Variants in GTF2E2 observed in about 807,000 individuals in gnomAD.
GTF2E2 encodes transcription initiation factor IIE subunit beta.
In GTF2E2, 21 loss-of-function variants were observed where a neutral mutation model predicts 40.5. The observed-to-expected ratio is 0.52, with a 90% CI of 0.37 to 0.75. GTF2E2 has a LOEUF of 0.75. GTF2E2 is among the 30% of genes least tolerant of loss of function. The pLI, the probability that GTF2E2 is intolerant of heterozygous loss-of-function variation, is 0.00. For missense variants in GTF2E2, 298 were observed against 338.4 expected, an observed-to-expected ratio of 0.88 and a Z score of 0.94; for synonymous variants, 117 against 121.6, an observed-to-expected ratio of 0.96 and a Z score of 0.25.
At chr8:30,645,212 T>C in intron 2 of GTF2E2, 1 of 1,258,182 alleles carries the variant, frequency 7.9e-7, no homozygotes, top group Non-Finnish European at 1.1e-6. Flanking sequence ...CTAAGAAATC[T>C]TAGTACTGAG....
chr8:30,624,199 G>A (rs1801199494), intron 3 of GTF2E2, among the ~76,000 whole-genome samples: 1 of 152,116 alleles, frequency 6.6e-6, no homozygotes, highest in South Asian at 2.1e-4. Context: ...TACGGTGTAA[G>A]GAAGGGATCC....
intron 6 of GTF2E2, among the ~76,000 whole-genome samples, chr8:30,600,914 G>C (rs914183174): frequency 1.2e-4 from 18 of 152,206 alleles, no homozygotes; most frequent in African/African-American, 4.3e-4. Context: ...CTATGGCTAA[G>C]GTTGCCACCT....
At chr8:30,589,902 A>G (rs765221109) in intron 6 of GTF2E2, among the ~76,000 whole-genome samples, 2 of 152,254 alleles carry the variant, frequency 1.3e-5, no homozygotes, top group Non-Finnish European at 2.9e-5. Flanking sequence ...CTGCTTTACA[A>G]TGGGAGAAAC....
Position 30,578,694 on chromosome 8 carries a change from T to C in GTF2E2, c.*227A>G, listed in dbSNP as rs558356638. 389 of 420,840 alleles carry C rather than the reference T, an allele frequency of 9.2e-4. 1 individual carries two copies. Among genetic ancestry groups the C allele is most frequent in the Non-Finnish European group, 1.6e-4 (38 of 231,878 alleles). The allele number at this position is 420,840 out of a possible 1,614,324, so 26.1% of individuals were successfully genotyped here. On this transcript the variant is annotated 3_prime_UTR_variant, in exon 8 of 8. Transcript: ENST00000355904. Reference sequence around the variant, plus strand: ...ACACCTGCATGCCACGCTCAGCGCCTTTCTCCCAGGGAGTAACAGAAGGTT... The same window carrying C: ...ACACCTGCATGCCACGCTCAGCGCCCTTCTCCCAGGGAGTAACAGAAGGTT...
At chr8:30,600,840 C>T (rs1829157081) in intron 6 of GTF2E2, among the ~76,000 whole-genome samples, 1 of 152,196 alleles carries the variant, frequency 6.6e-6, no homozygotes, top group African/African-American at 2.4e-5. Flanking sequence ...CATTTTAGGA[C>T]AAGTGCTTCT....
chr8:30,602,192 A>G (rs1485099916), intron 6 of GTF2E2, among the ~76,000 whole-genome samples: 1 of 151,824 alleles, frequency 6.6e-6, no homozygotes, highest in African/African-American at 2.4e-5. Flanking sequence ...TAATTTTTGT[A>G]CTTTTAGGAG....
chr8:30,596,714 A>G (rs779450386), intron 6 of GTF2E2, among the ~76,000 whole-genome samples: 1 of 152,128 alleles, frequency 6.6e-6, no homozygotes, highest in African/African-American at 2.4e-5. Flanking sequence ...TGAAAGCAGG[A>G]TATCCTTTGT....
chr8:30,612,283 A>C lies in GTF2E2; in HGVS notation c.549+16T>G. The C allele has an allele frequency of 1.3e-6, 2 of 1,487,512 alleles. No homozygotes were observed. Among genetic ancestry groups the C allele is most frequent in the South Asian group, 2.3e-5 (2 of 86,982 alleles). 92.1% of individuals were successfully genotyped at this position (1,487,512 alleles called of 1,614,324 possible). ...ATTCAAATTATATTAAGACATAGAAAGAAAAGAGAGATTACCTTGACAGCT... is the reference window on the plus strand; with the variant it reads ...ATTCAAATTATATTAAGACATAGAACGAAAAGAGAGATTACCTTGACAGCT... On this transcript the variant is annotated intron_variant, in intron 5 of 7. Transcript: ENST00000355904.
intron 6 of GTF2E2, among the ~76,000 whole-genome samples, chr8:30,590,556 G>C (rs575260575): frequency 3.9e-5 from 6 of 152,208 alleles, no homozygotes; most frequent in South Asian, 4.1e-4. Context: ...CTAACTCCTA[G>C]AGGAAAAACC....
intron 3 of GTF2E2, among the ~76,000 whole-genome samples, chr8:30,616,019 A>G (rs1800908258): frequency 6.6e-6 from 1 of 152,196 alleles, no homozygotes; most frequent in Admixed American, 6.5e-5. Flanking sequence ...TCAAGCTATG[A>G]AAAAAACATG....
chr8:30,609,777 T>A (rs1829430299), intron 5 of GTF2E2, among the ~76,000 whole-genome samples: 1 of 152,122 alleles, frequency 6.6e-6, no homozygotes, highest in Non-Finnish European at 1.5e-5. Context: ...GGTATGAAGG[T>A]GGATTTCCCT....
At chr8:30,611,806 T>C (rs1379063271) in intron 5 of GTF2E2, among the ~76,000 whole-genome samples, 1 of 152,136 alleles carries the variant, frequency 6.6e-6, no homozygotes, top group African/African-American at 2.4e-5. Flanking sequence ...CTGTGACAAA[T>C]GGAAACAAGC....
intron 5 of GTF2E2, among the ~76,000 whole-genome samples, chr8:30,608,778 C>A (rs1479861507): frequency 6.6e-6 from 1 of 152,194 alleles, no homozygotes; most frequent in Admixed American, 6.5e-5. Flanking sequence ...GAGACGGAGT[C>A]TCACTCTGTC....
intron 3 of GTF2E2, among the ~76,000 whole-genome samples, chr8:30,634,214 G>A (rs531885702): frequency 2.8e-4 from 42 of 152,268 alleles, no homozygotes; most frequent in Admixed American, 6.5e-4. Flanking sequence ...TTGGGAGACC[G>A]AGGTGGGAAA....
intron 6 of GTF2E2, among the ~76,000 whole-genome samples, chr8:30,585,470 G>A (rs1828652098): frequency 6.6e-6 from 1 of 151,924 alleles, no homozygotes; most frequent in African/African-American, 2.4e-5. Context: ...TTCTTAAAAA[G>A]CAAAAACACA....
At chr8:30,619,188 C>T (rs1181252865) in intron 3 of GTF2E2, among the ~76,000 whole-genome samples, 2 of 152,056 alleles carry the variant, frequency 1.3e-5, no homozygotes, top group Non-Finnish European at 2.9e-5. Context: ...GATCCACCTG[C>T]CTCAGCCTCC....
chr8:30,648,422 T>C (rs920304172), intron 2 of GTF2E2, among the ~76,000 whole-genome samples: 6 of 152,090 alleles, frequency 3.9e-5, no homozygotes, highest in African/African-American at 1.5e-4. Flanking sequence ...CCAGGAGACC[T>C]GGTCAACAGC....
At chr8:30,627,538 T>A (rs759056550) in intron 3 of GTF2E2, among the ~76,000 whole-genome samples, 1 of 151,194 alleles carries the variant, frequency 6.6e-6, no homozygotes, top group Non-Finnish European at 1.5e-5. Context: ...ATTTAAGATG[T>A]CTTGAATGGG....
At chr8:30,606,629 A>G (rs1169849293) in intron 6 of GTF2E2, among the ~76,000 whole-genome samples, 1 of 152,216 alleles carries the variant, frequency 6.6e-6, no homozygotes, top group Non-Finnish European at 1.5e-5. Flanking sequence ...AGAAAGAAAA[A>G]CATCATCTCC....
Sources: allele counts gnomAD v4.1 joint callset (sites outside exome capture counted in the v4.1 genomes callset), GRCh38; gene constraint gnomAD v4.1.1; transcripts MANE v1.5; gene names NCBI Gene and HGNC (gene_info 2026-07-23, HGNC 2026-07-21).